Variants in PTPRT observed in about 807,000 individuals in gnomAD.
PTPRT encodes protein tyrosine phosphatase receptor type T.
In PTPRT, 56 loss-of-function variants were observed where a neutral mutation model predicts 176.8. The ratio of observed to expected loss-of-function variants is 0.32; its 90% CI spans 0.26 to 0.40. The LOEUF is 0.40. PTPRT is among the 10% of genes least tolerant of loss of function. The pLI, the probability that PTPRT is intolerant of heterozygous loss-of-function variation, is 1.00. For synonymous variants in PTPRT, 783 were observed against 739.0 expected (o/e 1.06, Z -0.96); for missense variants, 1,540 against 1,908.2 (o/e 0.81, Z 3.60).
chr20:42,291,750 A>G (rs2057319977), intron 12 of PTPRT, among the ~76,000 whole-genome samples: 1 of 152,176 alleles, frequency 6.6e-6, no homozygotes, highest in Non-Finnish European at 1.5e-5. Context: ...TGGCATGGCT[A>G]TCATCATAAT....
At chr20:42,958,853 T>C (rs1981826603) in intron 1 of PTPRT, among the ~76,000 whole-genome samples, 1 of 152,172 alleles carries the variant, frequency 6.6e-6, no homozygotes, top group African/African-American at 2.4e-5. Flanking sequence ...TTTTTCAAGG[T>C]GGCAACTCTG....
At chr20:42,819,743 A>T (rs1569174344) in intron 2 of PTPRT, among the ~76,000 whole-genome samples, 1 of 100,550 alleles carries the variant, frequency 9.9e-6, no homozygotes, top group Admixed American at 1.1e-4. Flanking sequence ...AAATAAAAAT[A>T]AAAAAAAATA....
At chr20:42,664,165 G>A (rs528502654) in intron 7 of PTPRT, among the ~76,000 whole-genome samples, 1 of 152,170 alleles carries the variant, frequency 6.6e-6, no homozygotes, top group African/African-American at 2.4e-5. Flanking sequence ...TTTTTAATAC[G>A]CTTTTTGCTA....
At chr20:42,285,751 T>C (rs1272155568) in intron 12 of PTPRT, among the ~76,000 whole-genome samples, 2 of 151,768 alleles carry the variant, frequency 1.3e-5, no homozygotes, top group Non-Finnish European at 2.9e-5. Flanking sequence ...AAACTGTCTC[T>C]GTCTGCACAT....
intron 2 of PTPRT, among the ~76,000 whole-genome samples, chr20:42,816,530 CAT>C: frequency 6.6e-6 from 1 of 152,172 alleles, no homozygotes; most frequent in Non-Finnish European, 1.5e-5. Flanking sequence ...GTAATCCCCA[CAT>C]GTCGAGGAAG....
intron 27 of PTPRT, among the ~76,000 whole-genome samples, chr20:42,096,756 ATTT>A (rs58111170): frequency 7.6e-5 from 9 of 118,860 alleles, no homozygotes; most frequent in African/African-American, 1.9e-4. Context: ...GCTAATTAAA[ATTT>A]TTTTTTTTTT....
At chr20:42,825,402 A>G (rs533245212) in intron 2 of PTPRT, among the ~76,000 whole-genome samples, 2 of 152,292 alleles carry the variant, frequency 1.3e-5, no homozygotes, top group African/African-American at 4.8e-5. Context: ...AATTGATGTA[A>G]AAGTCCAAGC....
intron 2 of PTPRT, among the ~76,000 whole-genome samples, chr20:42,878,984 G>C (rs190580034): frequency 6.6e-6 from 1 of 152,092 alleles, no homozygotes; most frequent in Non-Finnish European, 1.5e-5. Flanking sequence ...AGCCGAGATC[G>C]TGCTACAGCA....
At chr20:42,591,055 G>T (rs2073564231) in intron 7 of PTPRT, among the ~76,000 whole-genome samples, 1 of 151,352 alleles carries the variant, frequency 6.6e-6, no homozygotes, top group South Asian at 2.1e-4. Flanking sequence ...ATCCAAATGG[G>T]TCAAGATTTT....
intron 12 of PTPRT, among the ~76,000 whole-genome samples, chr20:42,303,249 T>A (rs374045338): frequency 1.3e-5 from 2 of 152,218 alleles, no homozygotes; most frequent in South Asian, 4.1e-4. Context: ...AATTCTCAGG[T>A]GACAGATGTA....
intron 7 of PTPRT, among the ~76,000 whole-genome samples, chr20:42,616,357 G>A (rs1466224923): frequency 8.3e-6 from 1 of 121,014 alleles, no homozygotes; most frequent in Non-Finnish European, 1.7e-5. Context: ...AGTATAGTTT[G>A]AAGTCAGGTA....
chr20:42,144,086 G>A (rs1453912252), intron 17 of PTPRT, among the ~76,000 whole-genome samples: 1 of 152,196 alleles, frequency 6.6e-6, no homozygotes, highest in Non-Finnish European at 1.5e-5. Flanking sequence ...AGGTGGGCAT[G>A]CGTGGGAACA....
At chr20:42,099,561 T>TGG (rs752853675) in intron 26 of PTPRT, among the ~76,000 whole-genome samples, 1 of 17,530 alleles carries the variant, frequency 5.7e-5, no homozygotes. Flanking sequence ...GGGGGGGGGG[T>TGG]GGGGTGGTCT....
At chr20:42,348,370 T>TTTTATTTATTTATTTATTTATTTA (rs145685236) in intron 11 of PTPRT, among the ~76,000 whole-genome samples, 1 of 146,526 alleles carries the variant, frequency 6.8e-6, no homozygotes, top group Non-Finnish European at 1.5e-5. Flanking sequence ...GTGACATTTC[T>TTTTATTTATTTATTTATTTATTTA]TTTATTTATT....
At chr20:43,070,851 G>C (rs1411544717) in intron 1 of PTPRT, among the ~76,000 whole-genome samples, 1 of 151,680 alleles carries the variant, frequency 6.6e-6, no homozygotes, top group Non-Finnish European at 1.5e-5. Context: ...AAAGCATTAG[G>C]AGATACACCT....
At chr20:42,050,234 A>G in the PTPRT span, among the ~76,000 whole-genome samples, 1 of 152,196 alleles carries the variant, frequency 6.6e-6, no homozygotes, top group Non-Finnish European at 1.5e-5. Context: ...GCCTGTAAGC[A>G]GAACTATTTC....
the PTPRT span, among the ~76,000 whole-genome samples, chr20:42,032,370 G>A: frequency 6.6e-6 from 1 of 152,046 alleles, no homozygotes; most frequent in Non-Finnish European, 1.5e-5. Context: ...GCTCTTGGGC[G>A]AACAAACTTA....
At chr20:42,773,398 T>C (rs2077090522) in intron 4 of PTPRT, among the ~76,000 whole-genome samples, 2 of 152,178 alleles carry the variant, frequency 1.3e-5, no homozygotes, top group African/African-American at 4.8e-5. Context: ...TGTAGGACTT[T>C]ACACGTCATA....
In PTPRT at chr20:42,141,916, G is replaced by A; in HGVS notation, c.2769C>T (p.Ser923=). 6.2e-7 allele frequency: 1 copy of A among 1,613,234 alleles called. No individual in the cohort carries two copies. Among genetic ancestry groups the A allele is most frequent in the South Asian group, 1.1e-5 (1 of 91,046 alleles). The part of the protein sequence containing the change: ...RNKNRYGNII[S]YDHSRVRLLV... ...AGGAGCTCCCAGAAGGGCACCTACA[G>A]GATATGATGTTCCCATATCGATTCT... is the stretch of plus-strand genomic sequence containing the variant. Residue 923 remains serine, a splice_region_variant and synonymous_variant, in exon 18 of 31, where the codon TCC becomes TCT. Coordinates refer to ENST00000373187, the MANE Select transcript of PTPRT (RefSeq NM_007050.6).
Sources: gnomAD v4.1 joint callset for allele counts (sites outside exome capture counted in the v4.1 genomes callset) on GRCh38, gnomAD v4.1.1 for gene constraint, MANE v1.5 for transcripts, NCBI Gene and HGNC (gene_info 2026-07-23, HGNC 2026-07-21) for gene names.